The following ARHGAP44 variants were observed in gnomAD, a reference collection of about 807,000 sequenced individuals.
The protein encoded by ARHGAP44 is rho GTPase-activating protein 44.
In ARHGAP44, 43 loss-of-function variants were observed where a neutral mutation model predicts 106.8. That is an observed-to-expected ratio of 0.40 (90% CI 0.32 to 0.52). The LOEUF is 0.52. Among genes scored for constraint, ARHGAP44 ranks in the 20% least tolerant of loss-of-function variants. The probability of loss-of-function intolerance (pLI) is 0.48; values close to 1 mark genes in which losing one functional copy is unlikely to be tolerated. For synonymous variants in ARHGAP44, 439 were observed against 410.3 expected, an observed-to-expected ratio of 1.07 and a Z score of -0.85; for missense variants, 866 against 1,050.5, an observed-to-expected ratio of 0.82 and a Z score of 2.43.
chr17:12,830,090 G>T (rs2035040382), intron 1 of ARHGAP44, among the ~76,000 whole-genome samples: 1 of 152,156 alleles, frequency 6.6e-6, no homozygotes, highest in African/African-American at 2.4e-5. Context: ...AGGAGAACTG[G>T]TTATTTAAGT....
intron 13 of ARHGAP44, 138 bp from the exon 14 acceptor site, chr17:12,955,729 G>C (rs980461606): frequency 3.4e-6 from 2 of 589,342 alleles, no homozygotes; most frequent in Non-Finnish European, 6.1e-6. Flanking sequence ...GACACGTGAC[G>C]CATGTTCATT....
At chr17:12,874,222 A>G (rs915766988) in intron 1 of ARHGAP44, among the ~76,000 whole-genome samples, 1 of 152,230 alleles carries the variant, frequency 6.6e-6, no homozygotes, top group Non-Finnish European at 1.5e-5. Context: ...TAGGAAAGCA[A>G]AGCTTTCACA....
intron 1 of ARHGAP44, among the ~76,000 whole-genome samples, chr17:12,813,299 T>C (rs974004511): frequency 1.4e-5 from 2 of 147,414 alleles, no homozygotes. Context: ...TTAAAGGAGG[T>C]TTTTTGTTTT....
At chr17:12,847,096 C>G (rs574616319) in intron 1 of ARHGAP44, among the ~76,000 whole-genome samples, 1 of 152,254 alleles carries the variant, frequency 6.6e-6, no homozygotes, top group Non-Finnish European at 1.5e-5. Flanking sequence ...TAATGTAGCA[C>G]AAATTGATTT....
chr17:12,874,140 C>A (rs72813171), intron 1 of ARHGAP44, among the ~76,000 whole-genome samples: 3,114 of 152,234 alleles, frequency 0.02, 54 homozygotes, highest in Middle Eastern at 0.031. Context: ...TGCTGCCACT[C>A]CTGCCATTAT....
At chr17:12,861,539 G>A (rs559859112) in intron 1 of ARHGAP44, among the ~76,000 whole-genome samples, 12 of 151,700 alleles carry the variant, frequency 7.9e-5, no homozygotes, top group South Asian at 2.1e-4. Context: ...CCCTTCCGCC[G>A]TCTTCAAAGC....
chr17:12,929,204 A>T (rs1484576352), intron 7 of ARHGAP44, 158 bp downstream of exon 7: 18 of 605,330 alleles, frequency 3.0e-5, no homozygotes, highest in Non-Finnish European at 4.9e-5. Context: ...GGAGTCCAGG[A>T]TGAACCCAAG....
chr17:12,836,743 C>A (rs569101256), intron 1 of ARHGAP44, among the ~76,000 whole-genome samples: 1 of 152,098 alleles, frequency 6.6e-6, no homozygotes, highest in South Asian at 2.1e-4. Flanking sequence ...TATGTGTCTA[C>A]GCACCTGAGA....
chr17:12,866,687 CAGCATCTTAGCAAAGAAGAA>C (rs1317181419), intron 1 of ARHGAP44, among the ~76,000 whole-genome samples: 1 of 152,114 alleles, frequency 6.6e-6, no homozygotes, highest in African/African-American at 2.4e-5. Flanking sequence ...TGGGCTTGTA[CAGCATCTTAGCAAAGAAGAA>C]TAAATTTAGA....
chr17:12,814,235 G>GTTTTTTT (rs773171329), intron 1 of ARHGAP44, among the ~76,000 whole-genome samples: 11 of 87,270 alleles, frequency 1.3e-4, no homozygotes, highest in African/African-American at 3.4e-4. Context: ...CCAAACTGGT[G>GTTTTTTT]TTTTTTTTTT....
At chr17:12,971,240 G>A (rs1345888817) in intron 16 of ARHGAP44, among the ~76,000 whole-genome samples, 4 of 152,118 alleles carry the variant, frequency 2.6e-5, no homozygotes, top group Non-Finnish European at 5.9e-5. Context: ...CCTTCCCTTG[G>A]TAAACCAGAA....
chr17:12,874,006 G>C (rs767950289), intron 1 of ARHGAP44, among the ~76,000 whole-genome samples: 6 of 152,190 alleles, frequency 3.9e-5, no homozygotes, highest in Non-Finnish European at 8.8e-5. Context: ...TTTGGACAGA[G>C]TTTGTTTCTG....
intron 3 of ARHGAP44, among the ~76,000 whole-genome samples, chr17:12,904,479 A>T (rs1352098957): frequency 6.6e-6 from 1 of 152,212 alleles, no homozygotes; most frequent in Non-Finnish European, 1.5e-5. Flanking sequence ...CCCACCTTGG[A>T]ATCCAAGCTC....
chr17:12,879,092 G>A (rs942524382), intron 1 of ARHGAP44, among the ~76,000 whole-genome samples: 1 of 152,156 alleles, frequency 6.6e-6, no homozygotes, highest in Non-Finnish European at 1.5e-5. Flanking sequence ...ACCGAGCAGT[G>A]TACACTGTAC....
intron 18 of ARHGAP44, among the ~76,000 whole-genome samples, chr17:12,974,731 A>G (rs1191261477): frequency 6.6e-6 from 1 of 152,200 alleles, no homozygotes; most frequent in Non-Finnish European, 1.5e-5. Flanking sequence ...ATACACACAT[A>G]CCTGTGATAA....
Position 12,949,107 on chromosome 17 carries a change from T to C in ARHGAP44, c.862-33T>C. 1.3e-6 allele frequency: 2 copies of C among 1,542,338 alleles called. No individual in the cohort carries two copies. Among genetic ancestry groups the C allele is most frequent in the South Asian group, 1.2e-5 (1 of 83,908 alleles). Reference sequence around the variant, plus strand: ...TGCGCTTTGATGTTGTACCTTGGAGTTGCTGTGCGCTGACCCTCTGTCCTG... The same window carrying C: ...TGCGCTTTGATGTTGTACCTTGGAGCTGCTGTGCGCTGACCCTCTGTCCTG... On this transcript the variant is annotated intron_variant, in intron 10 of 20. Coordinates refer to ENST00000379672, the MANE Select transcript of ARHGAP44 (RefSeq NM_014859.6). The surrounding 1 kb of genome is among the most constrained non-coding windows in gnomAD (Gnocchi z 4.1).
intron 1 of ARHGAP44, among the ~76,000 whole-genome samples, chr17:12,891,986 G>GA (rs2037062343): frequency 1.3e-5 from 1 of 76,938 alleles, no homozygotes; most frequent in South Asian, 5.5e-4. Flanking sequence ...TAGCAGAGAT[G>GA]GCCATGTTGG....
At chr17:12,878,029 C>T (rs116190272) in intron 1 of ARHGAP44, among the ~76,000 whole-genome samples, 356 of 152,308 alleles carry the variant, frequency 2.3e-3, no homozygotes, top group African/African-American at 8.0e-3. Flanking sequence ...ACCTGGTGTT[C>T]ATCCACACCT....
intron 4 of ARHGAP44, among the ~76,000 whole-genome samples, chr17:12,911,218 T>A (rs1244056072): frequency 6.6e-6 from 1 of 151,952 alleles, no homozygotes; most frequent in Non-Finnish European, 1.5e-5. Context: ...TTTCCAAGAG[T>A]CATGCCTATA....
Sources: allele counts gnomAD v4.1 joint callset (sites outside exome capture counted in the v4.1 genomes callset), GRCh38; gene constraint gnomAD v4.1.1; non-coding constraint Gnocchi (gnomAD v3.1); transcripts MANE v1.5; gene names NCBI Gene and HGNC (gene_info 2026-07-23, HGNC 2026-07-21).